Variants in MYH14 observed in about 807,000 individuals in gnomAD.
MYH14 encodes myosin-14.
In MYH14, 123 loss-of-function variants were observed where a neutral mutation model predicts 255.5. That is an observed-to-expected ratio of 0.48 (90% CI 0.42 to 0.56). The LOEUF (loss-of-function observed/expected upper bound fraction) is 0.56. MYH14 is among the 20% of genes least tolerant of loss of function. The pLI is 0.00. For synonymous variants in MYH14, 1,095 were observed against 1,161.2 expected (o/e 0.94, Z 1.16); for missense variants, 2,423 against 2,802.3 (o/e 0.86, Z 3.06).
chr19:50,250,570 C>T lies in MYH14; in HGVS notation c.1712C>T (p.Ala571Val). The T allele has an allele frequency of 6.2e-7, 1 of 1,614,026 alleles. No homozygotes were observed. The highest frequency in any genetic ancestry group is 8.5e-7 in the Non-Finnish European group (1 of 1,179,978). The change falls in exon 15 of 43, where the codon GCC (alanine) becomes GTC (valine). Residue 571 changes from alanine to valine, a missense_variant. Physicochemically the swap from Ala to Val is moderately conservative, Grantham distance 64. This residue lies in a region of MYH14 where 672 missense variants were observed against 881.8 expected (regional missense o/e 0.76). Coordinates refer to ENST00000642316, the MANE Select transcript of MYH14 (RefSeq NM_001145809.2). This position sits in a 1 kb window ranked among gnomAD's most constrained non-coding sequence, Gnocchi z 5.4. ...LLDEECWFPK[A>V]TDKSFVEKVA... The stretch of plus-strand genomic sequence containing the variant: ...GATGAGGAGTGCTGGTTCCCGAAGG[C>T]CACAGACAAGTCGTTTGTGGAGAAG...
At chr19:50,207,411 C>G (rs1461572477) in intron 1 of MYH14, among the ~76,000 whole-genome samples, 2 of 152,004 alleles carry the variant, frequency 1.3e-5, no homozygotes, top group Non-Finnish European at 2.9e-5. Context: ...ATTGCCACTA[C>G]TGCCCATGGC....
intron 39 of MYH14, among the ~76,000 whole-genome samples, chr19:50,298,152 AAGGGT>A (rs2036346008): frequency 6.6e-6 from 1 of 152,096 alleles, no homozygotes; most frequent in African/African-American, 2.4e-5. Context: ...ATTGGACAAA[AAGGGT>A]CCGATCTAAA....
intron 22 of MYH14, among the ~76,000 whole-genome samples, chr19:50,265,344 C>A (rs1458930474): frequency 1.4e-5 from 2 of 141,084 alleles, no homozygotes; most frequent in African/African-American, 5.6e-5. Flanking sequence ...AGACCCTCAT[C>A]TCTACAAAAA....
At chr19:50,215,401 T>C (rs1376691698) in intron 2 of MYH14, among the ~76,000 whole-genome samples, 1 of 152,214 alleles carries the variant, frequency 6.6e-6, no homozygotes, top group Non-Finnish European at 1.5e-5. Context: ...CCGGTTGTTC[T>C]GCTCCTGGCT....
intron 3 of MYH14, among the ~76,000 whole-genome samples, chr19:50,218,597 C>A (rs1037726391): frequency 6.7e-6 from 1 of 149,148 alleles, no homozygotes. Flanking sequence ...GACTCTGTCT[C>A]AAAAAAAAAA....
At chr19:50,229,828 G>A (rs1201421472) in intron 8 of MYH14, among the ~76,000 whole-genome samples, 1 of 152,058 alleles carries the variant, frequency 6.6e-6, no homozygotes, top group Non-Finnish European at 1.5e-5. Context: ...TCTCACCTGC[G>A]GGTAACTTTG....
At chr19:50,210,282 C>A in intron 1 of MYH14, 81 bp from the exon 2 acceptor site, 1 of 1,331,666 alleles carries the variant, frequency 7.5e-7, no homozygotes, top group Non-Finnish European at 1.0e-6. Flanking sequence ...GAGGTGGCTG[C>A]CTGGGGAATT....
At chr19:50,224,473 G>A (rs1420217452) in intron 6 of MYH14, among the ~76,000 whole-genome samples, 1 of 152,236 alleles carries the variant, frequency 6.6e-6, no homozygotes, top group African/African-American at 2.4e-5. Context: ...GAACAGTGTA[G>A]CAAGGGAAAT....
chr19:50,296,389 C>T (rs2036266823), intron 39 of MYH14, among the ~76,000 whole-genome samples: 1 of 152,042 alleles, frequency 6.6e-6, no homozygotes, highest in Non-Finnish European at 1.5e-5. Context: ...AGGAGGATTG[C>T]TTGAGCCCAG....
intron 19 of MYH14, among the ~76,000 whole-genome samples, chr19:50,260,062 C>T (rs1277241312): frequency 2.0e-5 from 3 of 152,162 alleles, no homozygotes; most frequent in African/African-American, 7.2e-5. Flanking sequence ...CTAATAGCTA[C>T]ACTTTTACAA....
intron 10 of MYH14, among the ~76,000 whole-genome samples, chr19:50,239,891 A>G (rs113635141): frequency 0.013 from 2,036 of 152,282 alleles, 50 homozygotes; most frequent in African/African-American, 0.046. Flanking sequence ...GAAGTACAGT[A>G]TACACACCAA....
In MYH14 at chr19:50,309,904, G is replaced by A. The variant is rs776901343; in HGVS notation, c.*114G>A. On this transcript the variant is annotated 3_prime_UTR_variant, in exon 43 of 43. Transcript: ENST00000642316. ...CTCTGACTTCTTGCCCTTTGGAAATGGTGCAGCACTCTGGCATTTATCACC... is the reference window on the plus strand; with the variant it reads ...CTCTGACTTCTTGCCCTTTGGAAATAGTGCAGCACTCTGGCATTTATCACC... The A allele has an allele frequency of 4.4e-6, 5 of 1,140,378 alleles. No individual in the cohort carries two copies. The East Asian group carries it at 1.0e-4, about 23-fold the overall frequency. The allele number at this position is 1,140,378 out of a possible 1,614,324, so 70.6% of individuals were successfully genotyped here.
chr19:50,304,861 T>G (rs926223896), intron 40 of MYH14, among the ~76,000 whole-genome samples: 1 of 152,146 alleles, frequency 6.6e-6, no homozygotes, highest in African/African-American at 2.4e-5. Flanking sequence ...GAGCTGGAGC[T>G]GACAAGAATG....
intron 1 of MYH14, among the ~76,000 whole-genome samples, chr19:50,207,257 A>AAGAGAGAGAGAGAGAGAGAGAGAGAGAG (rs2031827890): frequency 1.5e-4 from 4 of 26,970 alleles, no homozygotes; most frequent in African/African-American, 1.6e-4. Flanking sequence ...GAGAGAGAGA[A>AAGAGAGAGAGAGAGAGAGAGAGAGAGAG]AGAGAGAGAG....
chr19:50,297,343 G>C (rs1568552400), intron 39 of MYH14, among the ~76,000 whole-genome samples: 1 of 152,014 alleles, frequency 6.6e-6, no homozygotes, highest in Non-Finnish European at 1.5e-5. Context: ...TGTGGGCAGG[G>C]TTGGTTCCTC....
chr19:50,207,271 C>CAGAGAGAGAGAG (rs764396652), intron 1 of MYH14, among the ~76,000 whole-genome samples: 4,260 of 76,756 alleles, frequency 0.056, 773 homozygotes, highest in Admixed American at 0.087. Flanking sequence ...GAGAGAGAGA[C>CAGAGAGAGAGAG]AGAGAGAGAG....
At chr19:50,262,422 C>G (rs1265555923) in intron 21 of MYH14, among the ~76,000 whole-genome samples, 1 of 151,652 alleles carries the variant, frequency 6.6e-6, no homozygotes, top group Non-Finnish European at 1.5e-5. Context: ...GCCGTAATCC[C>G]AGCTACTCAG....
chr19:50,275,498 G>C (rs1370928924), intron 27 of MYH14, among the ~76,000 whole-genome samples: 1 of 152,230 alleles, frequency 6.6e-6, no homozygotes, highest in Admixed American at 6.5e-5. Flanking sequence ...TACTGTTGCT[G>C]TCATTCCCAC....
At position 50,266,924 on chromosome 19, in the gene MYH14, A is replaced by C; in HGVS notation, c.2742A>C (p.Ala914=). The C allele has an allele frequency of 6.4e-7, 1 of 1,553,138 alleles. No homozygotes were observed. Among genetic ancestry groups the C allele is most frequent in the Admixed American group, 2.0e-5 (1 of 51,084 alleles). The stretch of plus-strand genomic sequence containing the variant: ...CGCGGCAGGATGAGGTGCTGCAGGC[A>C]CGGGCCCAGGAGCTGCAGAAAGTGC... ...QVTRQDEVLQ[A]RAQELQKVQE... Residue 914 remains alanine, a synonymous_variant, in exon 23 of 43, where the codon GCA becomes GCC. Transcript: ENST00000642316. This position sits in a 1 kb window ranked among gnomAD's most constrained non-coding sequence, Gnocchi z 4.1.
Sources: gnomAD v4.1 joint callset for allele counts (sites outside exome capture counted in the v4.1 genomes callset) on GRCh38, gnomAD v4.1.1 for gene constraint, gnomAD v4.1.1 regional missense constraint, Gnocchi (gnomAD v3.1) non-coding constraint, MANE v1.5 for transcripts, NCBI Gene and HGNC (gene_info 2026-07-23, HGNC 2026-07-21) for gene names.